Variants in MTRR observed in about 807,000 individuals in gnomAD.
MTRR encodes the protein methionine synthase reductase.
MTRR carries 63 observed loss-of-function variants against 79.2 expected under a neutral mutation model. The observed-to-expected ratio is 0.80, with a 90% CI of 0.65 to 0.98. The LOEUF (loss-of-function observed/expected upper bound fraction) is 0.98, where lower values mean the gene tolerates loss of function less well. Ranked by LOEUF, MTRR falls within the 50% of genes least tolerant of loss-of-function variation. The pLI is 0.00. For missense variants in MTRR, 895 were observed against 839.6 expected (o/e 1.07, Z -0.82); for synonymous variants, 355 against 313.3 (o/e 1.13, Z -1.41).
intron 5 of MTRR, 46 bp from the exon 6 acceptor site, chr5:7,883,109 T>C: frequency 6.2e-7 from 1 of 1,613,674 alleles, no homozygotes; most frequent in Non-Finnish European, 8.5e-7. Context: ...GAAAGAAGGG[T>C]ATAATTGAAA....
At chr5:7,898,790 T>C (rs1246494170) in intron 14 of MTRR, among the ~76,000 whole-genome samples, 1 of 152,180 alleles carries the variant, frequency 6.6e-6, no homozygotes, top group Non-Finnish European at 1.5e-5. Flanking sequence ...TAGTAGAGTC[T>C]TGTCTGACAC....
At chr5:7,869,989 T>G in intron 1 of MTRR, 1 of 984,768 alleles carries the variant, frequency 1.0e-6, no homozygotes, top group Non-Finnish European at 1.2e-6. Flanking sequence ...TGGGTTTCAG[T>G]TTAAATCTGT....
upstream of MTRR, among the ~76,000 whole-genome samples, chr5:7,864,711 AAC>A (rs1746810192): frequency 6.6e-6 from 1 of 152,220 alleles, no homozygotes; most frequent in African/African-American, 2.4e-5. Context: ...GTAGTTGAGT[AAC>A]ACAAATTAAA....
chr5:7,862,673 G>A (rs374689287), intron 2 of MTRR: 39 of 667,264 alleles, frequency 5.8e-5, no homozygotes, highest in African/African-American at 5.2e-4. Flanking sequence ...TTGACTCAAC[G>A]GCTCTGCTGC....
At chr5:7,857,653 A>G (rs1434981204) in intron 1 of MTRR, among the ~76,000 whole-genome samples, 1 of 152,214 alleles carries the variant, frequency 6.6e-6, no homozygotes, top group East Asian at 1.9e-4. Flanking sequence ...ACTGTGTGTC[A>G]GGGTGCCGGA....
In MTRR at chr5:7,873,545, T is replaced by C; in HGVS notation, c.283+19T>C. ...TTACTGGGTAATGGACTCTCTCTTC[T>C]GATCTTACTATAGTATACTATTGAT... is the stretch of plus-strand genomic sequence containing the variant. On this transcript the variant is annotated intron_variant, in intron 3 of 14. Transcript: ENST00000440940. 6.2e-7 allele frequency: 1 copy of C among 1,613,012 alleles called. No individual in the cohort carries two copies. Among genetic ancestry groups the C allele is most frequent in the Non-Finnish European group, 8.5e-7 (1 of 1,178,946 alleles).
intron 1 of MTRR, among the ~76,000 whole-genome samples, chr5:7,855,441 T>C (rs1746213715): frequency 6.6e-6 from 1 of 151,442 alleles, no homozygotes; most frequent in Admixed American, 6.6e-5. Context: ...AAGAAAAAGT[T>C]AAAGAATAGA....
At chr5:7,871,087 T>A (rs532071770) in intron 2 of MTRR, among the ~76,000 whole-genome samples, 164 bp downstream of exon 2, 4 of 152,350 alleles carry the variant, frequency 2.6e-5, no homozygotes, top group Admixed American at 1.3e-4. Context: ...AGCATTTTTT[T>A]AATATAGAAG....
chr5:7,895,916 C>T (rs1738431278), intron 12 of MTRR, 64 bp downstream of exon 12: 19 of 1,598,010 alleles, frequency 1.2e-5, no homozygotes, highest in Non-Finnish European at 1.6e-5. Context: ...TTTCTTTAGT[C>T]ATTTTGAGGA....
chr5:7,882,954 A>G (rs1490005745), intron 5 of MTRR, among the ~76,000 whole-genome samples: 1 of 152,198 alleles, frequency 6.6e-6, no homozygotes, highest in Non-Finnish European at 1.5e-5. Flanking sequence ...CTAATGTCTA[A>G]TAGATAAAGC....
In MTRR at chr5:7,900,467, T is replaced by C. The variant is rs1481102902; in HGVS notation, c.*409T>C. On this transcript the variant is annotated 3_prime_UTR_variant, in exon 15 of 15. Coordinates refer to ENST00000440940, the MANE Select transcript of MTRR (RefSeq NM_002454.3). ...GCCAACATTTAAAAAAGTATGAAAA[T>C]GATTTATTTTTATATGATGTATACC... The C allele has an allele frequency of 1.4e-5, 3 of 212,326 alleles. No homozygotes were observed. In the South Asian group the frequency reaches 2.4e-4, roughly 17 times the overall value. The allele number at this position is 212,326 out of a possible 1,614,324, so 13.2% of individuals were successfully genotyped here. A position where few individuals can be genotyped will look rare whatever the true frequency, so the allele number is the denominator to read the frequency against.
chr5:7,899,844 C>G, intron 14 of MTRR, 70 bp from the exon 15 acceptor site: 1 of 1,574,894 alleles, frequency 6.3e-7, no homozygotes, highest in South Asian at 1.1e-5. Flanking sequence ...AGGAATTAGA[C>G]TTGTGAATTA....
chr5:7,897,847 T>C (rs1738797456), intron 14 of MTRR, among the ~76,000 whole-genome samples: 1 of 152,310 alleles, frequency 6.6e-6, no homozygotes, highest in Middle Eastern at 3.4e-3. Flanking sequence ...AAAAAGGAGT[T>C]TTGAAGTAAG....
At chr5:7,850,951 G>C, upstream of MTRR, 1 of 1,336,312 alleles carries the variant, frequency 7.5e-7, no homozygotes, top group Non-Finnish European at 9.6e-7. Context: ...GGCGGACTGC[G>C]CCGAGACGGG....
At chr5:7,878,411 G>A in intron 5 of MTRR, 89 bp downstream of exon 5, 1 of 1,536,960 alleles carries the variant, frequency 6.5e-7, no homozygotes, top group Non-Finnish European at 9.0e-7. Flanking sequence ...TAGAAGAGAG[G>A]TCAACAAACT....
At chr5:7,890,437 A>C (rs567727893) in intron 9 of MTRR, 3 of 984,044 alleles carry the variant, frequency 3.0e-6, no homozygotes, top group Non-Finnish European at 3.6e-6. Flanking sequence ...GTAGTATTAG[A>C]AAGTTCTCTT....
intron 1 of MTRR, among the ~76,000 whole-genome samples, chr5:7,855,502 T>G (rs1746217079): frequency 6.6e-6 from 1 of 151,802 alleles, no homozygotes; most frequent in Admixed American, 6.6e-5. Flanking sequence ...TAGAGGAACT[T>G]GCAAACTTAT....
chr5:7,879,670 C>T (rs1245919710), intron 5 of MTRR, among the ~76,000 whole-genome samples: 1 of 152,032 alleles, frequency 6.6e-6, no homozygotes, highest in Admixed American at 6.6e-5. Context: ...GGGACCATTG[C>T]CTTGAGGCAC....
intron 12 of MTRR, among the ~76,000 whole-genome samples, chr5:7,896,251 T>C (rs1206900000): frequency 6.6e-6 from 1 of 152,258 alleles, no homozygotes; most frequent in African/African-American, 2.4e-5. Flanking sequence ...TCAGTAATTT[T>C]CAACAGAATG....
Sources: gnomAD v4.1 joint callset for allele counts (sites outside exome capture counted in the v4.1 genomes callset) on GRCh38, gnomAD v4.1.1 for gene constraint, MANE v1.5 for transcripts, NCBI Gene and HGNC (gene_info 2026-07-23, HGNC 2026-07-21) for gene names.